AFG1L: variants seen among roughly 807,000 people sequenced by gnomAD.
AFG1L encodes the protein AFG1-like ATPase.
AFG1L carries 53 observed loss-of-function variants against 62.2 expected under a neutral mutation model. The observed-to-expected ratio is 0.85, with a 90% CI of 0.68 to 1.07. The LOEUF is 1.07. Among genes scored for constraint, AFG1L ranks in the 50% least tolerant of loss-of-function variants. AFG1L has a pLI of 0.00. For missense variants in AFG1L, 555 were observed against 590.5 expected (o/e 0.94, Z 0.62); for synonymous variants, 228 against 210.3 (o/e 1.08, Z -0.73).
intron 2 of AFG1L, among the ~76,000 whole-genome samples, chr6:108,346,018 G>A (rs1778849238): frequency 6.6e-6 from 1 of 152,180 alleles, no homozygotes; most frequent in East Asian, 1.9e-4. Context: ...AGAAGGGAAA[G>A]ACTACATGGC....
chr6:108,394,496 A>T (rs1781206505), intron 6 of AFG1L, among the ~76,000 whole-genome samples: 1 of 151,924 alleles, frequency 6.6e-6, no homozygotes, highest in Non-Finnish European at 1.5e-5. Context: ...TCCCTTCCCC[A>T]GGCAGCTACT....
intron 10 of AFG1L, among the ~76,000 whole-genome samples, chr6:108,479,686 AATGAGTTATAATGATCTT>A (rs1773256275): frequency 6.6e-6 from 1 of 152,188 alleles, no homozygotes; most frequent in Non-Finnish European, 1.5e-5. Context: ...TAAAACTCTT[AATGAGTTATAATGATCTT>A]ATGAGCCAGG....
chr6:108,517,911 C>G (rs1046268992), intron 11 of AFG1L, among the ~76,000 whole-genome samples: 3 of 152,220 alleles, frequency 2.0e-5, no homozygotes, highest in Non-Finnish European at 2.9e-5. Flanking sequence ...AAATGCTCAT[C>G]ATCACTGGCC....
chr6:108,358,105 A>G (rs573195347), intron 5 of AFG1L, among the ~76,000 whole-genome samples: 191 of 152,312 alleles, frequency 1.3e-3, no homozygotes, highest in Non-Finnish European at 2.5e-3. Context: ...AACCACATCA[A>G]TGTTTTGCAG....
intron 8 of AFG1L, among the ~76,000 whole-genome samples, chr6:108,469,982 T>C (rs1042857441): frequency 1.3e-5 from 2 of 152,158 alleles, no homozygotes; most frequent in Non-Finnish European, 2.9e-5. Flanking sequence ...TTCAAACAAA[T>C]ACCCGTTTGC....
At chr6:108,425,339 TAGC>T (rs1770764829) in intron 7 of AFG1L, among the ~76,000 whole-genome samples, 1 of 152,162 alleles carries the variant, frequency 6.6e-6, no homozygotes, top group South Asian at 2.1e-4. Context: ...AGACCAAACA[TAGC>T]AGATGCTGGG....
intron 2 of AFG1L, among the ~76,000 whole-genome samples, chr6:108,326,892 G>A (rs902797137): frequency 5.9e-5 from 9 of 152,106 alleles, no homozygotes; most frequent in Middle Eastern, 6.8e-3. Context: ...TCCAGGAGGC[G>A]GAGGTTGCAG....
chr6:108,446,051 TACACACACACACACACACAC>T lies in AFG1L; in HGVS notation c.808-1130_808-1111del, dbSNP rs67384163. On this transcript the variant is annotated intron_variant, in intron 7 of 12. Coordinates refer to ENST00000368977, the MANE Select transcript of AFG1L (RefSeq NM_145315.5). ...AGTATGCCTCTCATCTATGTAGAGA[TACACACACACACACACACAC>T]ACACACACACACACACACACACACA... Among the ~76,000 whole-genome samples the T allele has an allele frequency of 4.1e-3, 579 of 141,770 alleles. 3 individuals carry two copies. Among genetic ancestry groups the T allele is most frequent in the African/African-American group, 0.011 (407 of 37,662 alleles). The allele number at this position is 141,770 out of a possible 152,430, so 93.0% of individuals were successfully genotyped here.
At chr6:108,324,890 A>G (rs148688474) in intron 2 of AFG1L, among the ~76,000 whole-genome samples, 7,113 of 152,098 alleles carry the variant, frequency 0.047, 269 homozygotes, top group South Asian at 0.18. Flanking sequence ...ACGGGGTTTC[A>G]CCATGTTGGC....
intron 7 of AFG1L, among the ~76,000 whole-genome samples, chr6:108,423,384 A>T (rs1770683494): frequency 6.6e-6 from 1 of 152,046 alleles, no homozygotes; most frequent in African/African-American, 2.4e-5. Context: ...GGATTCATTG[A>T]CATTATTTCT....
chr6:108,395,061 G>A (rs1278112919), intron 6 of AFG1L, among the ~76,000 whole-genome samples: 8 of 152,140 alleles, frequency 5.3e-5, no homozygotes, highest in Admixed American at 3.9e-4. Flanking sequence ...AGCCTGGCCA[G>A]CATTATTTTA....
intron 10 of AFG1L, among the ~76,000 whole-genome samples, chr6:108,508,163 A>G (rs902373137): frequency 6.6e-6 from 1 of 152,222 alleles, no homozygotes. Flanking sequence ...GTAATTTGCC[A>G]GTGGCACCCA....
chr6:108,462,416 A>C (rs1463433976), intron 8 of AFG1L, among the ~76,000 whole-genome samples: 1 of 151,978 alleles, frequency 6.6e-6, no homozygotes, highest in Non-Finnish European at 1.5e-5. Context: ...AAAACAAACA[A>C]AAAAAAACAC....
intron 6 of AFG1L, among the ~76,000 whole-genome samples, chr6:108,380,030 C>A (rs957126327): frequency 1.3e-5 from 2 of 152,066 alleles, no homozygotes; most frequent in Non-Finnish European, 2.9e-5. Context: ...AGAGAGGGCC[C>A]CCGTGCACCA....
intron 10 of AFG1L, among the ~76,000 whole-genome samples, chr6:108,508,789 C>T (rs1291035725): frequency 1.3e-5 from 2 of 152,204 alleles, no homozygotes; most frequent in Non-Finnish European, 2.9e-5. Flanking sequence ...TCCTCCTCCT[C>T]ACGGTTTCCT....
chr6:108,303,537 A>G (rs1277918577), intron 1 of AFG1L, among the ~76,000 whole-genome samples: 1 of 152,162 alleles, frequency 6.6e-6, no homozygotes, highest in African/African-American at 2.4e-5. Context: ...TGATACTTCA[A>G]TTTCCAGAAT....
At chr6:108,377,055 G>A (rs1780278978) in intron 6 of AFG1L, among the ~76,000 whole-genome samples, 1 of 151,506 alleles carries the variant, frequency 6.6e-6, no homozygotes, top group Non-Finnish European at 1.5e-5. Flanking sequence ...GATTTTTTTG[G>A]TCTTTTTTTT....
At chr6:108,476,375 G>T (rs934773942) in intron 8 of AFG1L, among the ~76,000 whole-genome samples, 10 of 152,160 alleles carry the variant, frequency 6.6e-5, no homozygotes, top group African/African-American at 2.4e-4. Flanking sequence ...GATCAAGTTG[G>T]CATTTCGAAG....
chr6:108,369,065 AACTT>A (rs542584338), intron 6 of AFG1L, among the ~76,000 whole-genome samples: 82 of 152,312 alleles, frequency 5.4e-4, no homozygotes, highest in African/African-American at 1.9e-3. Context: ...CATCATAAAT[AACTT>A]AATATTTTAA....
Sources: gnomAD v4.1 joint callset for allele counts (sites outside exome capture counted in the v4.1 genomes callset) on GRCh38, gnomAD v4.1.1 for gene constraint, MANE v1.5 for transcripts, NCBI Gene and HGNC (gene_info 2026-07-23, HGNC 2026-07-21) for gene names.